The following TRAPPC10 variants were observed in gnomAD, a reference collection of about 807,000 sequenced individuals.
The protein encoded by TRAPPC10 is trafficking protein particle complex subunit 10.
A neutral mutation model predicts 125.5 loss-of-function variants in TRAPPC10; 23 were observed. The observed-to-expected ratio is 0.18, with a 90% confidence interval of 0.13 to 0.26. The LOEUF (loss-of-function observed/expected upper bound fraction) is 0.26, where lower values mean the gene tolerates loss of function less well. Ranked by LOEUF, TRAPPC10 falls within the 10% of genes least tolerant of loss-of-function variation. The pLI, the probability that TRAPPC10 is intolerant of heterozygous loss-of-function variation, is 1.00. For synonymous variants in TRAPPC10, 509 were observed against 518.0 expected (o/e 0.98, Z 0.24); for missense variants, 1,123 against 1,308.4 (o/e 0.86, Z 2.19).
In TRAPPC10 at chr21:44,077,776, GT is replaced by G; in HGVS notation, c.1465del (p.Tyr489ThrfsTer2). ...AKFVGKDLAEFYMRKKAPQKA... is the reference protein window; with the variant it reads ...AKFVGKDLAEXYMRKKAPQKA... ...AGTTTGTTGGAAAAGATCTGGCAGA[GT>G]TTTACATGTAATTGATTTTGTACTT... On this transcript the variant is annotated frameshift_variant, in exon 11 of 23. Transcript: ENST00000291574. LOFTEE classifies it high-confidence loss of function. 6.2e-7 allele frequency: 1 copy of G among 1,607,516 alleles called. No individual in the cohort carries two copies.
chr21:44,048,889 A>T (rs2035047446), intron 3 of TRAPPC10, among the ~76,000 whole-genome samples: 1 of 145,112 alleles, frequency 6.9e-6, no homozygotes, highest in Non-Finnish European at 1.5e-5. Context: ...TCACTCATTG[A>T]TTTCTAGCTT....
chr21:44,084,427 T>C (rs1793827509), intron 15 of TRAPPC10, among the ~76,000 whole-genome samples, 164 bp downstream of exon 15: 1 of 152,236 alleles, frequency 6.6e-6, no homozygotes. Flanking sequence ...ACTGCCTCTT[T>C]TGTTTATCTG....
rs148993290 is a variant in TRAPPC10 at position 44,089,236 on chromosome 21, A to G, written c.2770-597A>G. On this transcript the variant is annotated intron_variant, in intron 17 of 22. Transcript: ENST00000291574. The stretch of plus-strand genomic sequence containing the variant: ...TCCTCTCTTCCCTGGCACTGGCGGC[A>G]CGCACGCTGTGTGCTGGGGTATTCA... The G allele has an allele frequency of 2.0e-3, 651 of 328,470 alleles. 11 individuals are homozygous for G. The highest frequency in any genetic ancestry group is 0.018 in the Admixed American group (407 of 22,850). 20.3% of individuals were successfully genotyped at this position (328,470 alleles called of 1,614,324 possible). A position where few individuals can be genotyped will look rare whatever the true frequency, so the allele number is the denominator to read the frequency against.
At chr21:44,075,550 A>G (rs746774545) in intron 9 of TRAPPC10, among the ~76,000 whole-genome samples, 12 of 151,952 alleles carry the variant, frequency 7.9e-5, no homozygotes, top group Non-Finnish European at 1.0e-4. Flanking sequence ...TAGTGGCACA[A>G]TCTTGGCTCA....
At chr21:44,017,779 A>G (rs2032037634) in intron 1 of TRAPPC10, among the ~76,000 whole-genome samples, 1 of 147,084 alleles carries the variant, frequency 6.8e-6, no homozygotes, top group South Asian at 2.2e-4. Context: ...CTTGCTTTTT[A>G]TCAGAGCAGC....
At chr21:44,076,716 C>T in intron 10 of TRAPPC10, 88 bp downstream of exon 10, 4 of 1,190,694 alleles carry the variant, frequency 3.4e-6, no homozygotes, top group East Asian at 2.4e-5. Context: ...TGGGAAGGAA[C>T]TGGTGTGGGG....
rs142908416 is a variant in TRAPPC10 at position 44,073,027 on chromosome 21, T to C, written c.1039-1297T>C. Among the ~76,000 whole-genome samples the C allele has an allele frequency of 7.0e-3, 1,072 of 152,350 alleles. 6 individuals carry two copies. Among genetic ancestry groups the C allele is most frequent in the Non-Finnish European group, 0.011 (755 of 68,020 alleles). The stretch of plus-strand genomic sequence containing the variant: ...AGAGCTGCTTCCTGCTGCCCCGCTT[T>C]TCTGTGCCTTCCCTCAGTGTGGTAT... On this transcript the variant is annotated intron_variant, in intron 7 of 22. Coordinates refer to ENST00000291574, the MANE Select transcript of TRAPPC10 (RefSeq NM_003274.5).
At chr21:44,061,602 T>C (rs555366639) in intron 6 of TRAPPC10, among the ~76,000 whole-genome samples, 2 of 152,182 alleles carry the variant, frequency 1.3e-5, no homozygotes, top group Non-Finnish European at 2.9e-5. Flanking sequence ...TTTTAAAAAA[T>C]AGATTTATTT....
chr21:44,047,622 G>A (rs1464174739), intron 3 of TRAPPC10, among the ~76,000 whole-genome samples: 1 of 150,696 alleles, frequency 6.6e-6, no homozygotes, highest in African/African-American at 2.5e-5. Context: ...GATATTTTTT[G>A]TAGTCCTTTT....
intron 17 of TRAPPC10, chr21:44,088,253 A>G (rs972126365): frequency 5.4e-5 from 19 of 355,002 alleles, no homozygotes; most frequent in Non-Finnish European, 9.6e-5. Context: ...ACGAGGCCAG[A>G]GGAGGTCTGT....
intron 14 of TRAPPC10, 127 bp downstream of exon 14, chr21:44,083,429 C>A: frequency 1.9e-6 from 2 of 1,064,294 alleles, no homozygotes; most frequent in Non-Finnish European, 1.3e-6. Flanking sequence ...GTTTTTGTCT[C>A]TGTCCTTATA....
At position 44,083,064 on chromosome 21, in the gene TRAPPC10, C is replaced by A; in HGVS notation, c.2000C>A (p.Ser667Tyr). Reference protein sequence around the residue: ...FPPETAPFPVSQNSLPALELY... With the variant: ...FPPETAPFPVYQNSLPALELY... Reference sequence around the variant, plus strand: ...CCCGAGACCGCACCTTTCCCTGTATCCCAAAACAGTTTGCCCGCGCTGGAG... The same window carrying A: ...CCCGAGACCGCACCTTTCCCTGTATACCAAAACAGTTTGCCCGCGCTGGAG... The change falls in exon 14 of 23, where the codon TCC (serine) becomes TAC (tyrosine). Residue 667 changes from serine to tyrosine, a missense_variant. Physicochemically the swap from Ser to Tyr is moderately radical, Grantham distance 144 (BLOSUM62 -2). This residue lies in a region of TRAPPC10 where 840 missense variants were observed against 902.0 expected (regional missense o/e 0.93). Coordinates refer to ENST00000291574, the MANE Select transcript of TRAPPC10 (RefSeq NM_003274.5). 1.2e-6 allele frequency: 2 copies of A among 1,614,102 alleles called. No individual in the cohort carries two copies. The highest frequency in any genetic ancestry group is 8.5e-7 in the Non-Finnish European group (1 of 1,180,018).
At chr21:44,028,934 C>T (rs1380270068) in intron 1 of TRAPPC10, among the ~76,000 whole-genome samples, 2 of 152,176 alleles carry the variant, frequency 1.3e-5, no homozygotes, top group South Asian at 2.1e-4. Context: ...TGCTCTGCCT[C>T]GCAGTTCAGC....
rs967500923 is a variant in TRAPPC10 at position 44,055,675 on chromosome 21, ATAGTCTG to A, written c.483-21_483-15del. 6.4e-7 allele frequency: 1 copy of A among 1,565,518 alleles called. No individual in the cohort carries two copies. Among genetic ancestry groups the A allele is most frequent in the African/African-American group, 1.3e-5 (1 of 74,120 alleles). ...GCTGTGCATGGAGGGTCTTTCCCAG[ATAGTCTG>A]TTCATGTCTTTGCAGGTGTGTTGTG... On this transcript the variant is annotated splice_polypyrimidine_tract_variant and intron_variant, in intron 4 of 22. Coordinates refer to ENST00000291574, the MANE Select transcript of TRAPPC10 (RefSeq NM_003274.5).
chr21:44,021,799 C>T (rs2032526739), intron 1 of TRAPPC10, among the ~76,000 whole-genome samples: 1 of 152,122 alleles, frequency 6.6e-6, no homozygotes, highest in African/African-American at 2.4e-5. Context: ...GACACCTCCC[C>T]CTTGAAACGA....
chr21:44,059,701 CAGAG>C lies in TRAPPC10; in HGVS notation c.790+491_790+494del, dbSNP rs986565727. The C allele has an allele frequency of 7.8e-6, 4 of 510,330 alleles. No homozygotes were observed. The highest frequency in any genetic ancestry group is 5.7e-5 in the African/African-American group (3 of 52,744). 31.6% of individuals were successfully genotyped at this position (510,330 alleles called of 1,614,324 possible). On this transcript the variant is annotated intron_variant, in intron 6 of 22. Transcript: ENST00000291574. The surrounding 1 kb of genome is among the most constrained non-coding windows in gnomAD (Gnocchi z 4.4). ...AGAATTAGCACAGTGAAACCATACA[CAGAG>C]AGAAACATTGGTTATTGTCCTCAGT... is the stretch of plus-strand genomic sequence containing the variant.
rs1419180204 is a variant in TRAPPC10 at position 44,012,464 on chromosome 21, G to A, written c.-30G>A. 3 of 1,420,138 alleles carry A rather than the reference G, an allele frequency of 2.1e-6. No homozygotes were observed. The South Asian group carries it at 3.9e-5, about 19-fold the overall frequency. The allele number at this position is 1,420,138 out of a possible 1,614,324, so 88.0% of individuals were successfully genotyped here. On this transcript the variant is annotated 5_prime_UTR_variant, in exon 1 of 23. Transcript: ENST00000291574. Reference sequence around the variant, plus strand: ...GGCCTCGGGGCTGCCCATGGGGCGCGGGGGGCCGGGCCGGTGACGCCGGAC... The same window carrying A: ...GGCCTCGGGGCTGCCCATGGGGCGCAGGGGGCCGGGCCGGTGACGCCGGAC...
intron 4 of TRAPPC10, among the ~76,000 whole-genome samples, chr21:44,055,301 C>T (rs779529882): frequency 3.3e-5 from 5 of 151,992 alleles, no homozygotes; most frequent in African/African-American, 9.7e-5. Flanking sequence ...TGTTTATAGA[C>T]GGAAGAAGCT....
chr21:44,053,920 A>G (rs2035390139), intron 4 of TRAPPC10, among the ~76,000 whole-genome samples: 1 of 130,158 alleles, frequency 7.7e-6, no homozygotes, highest in Non-Finnish European at 1.5e-5. Context: ...ACTTAAAAAA[A>G]ATTGATGATG....
Sources: gnomAD v4.1 joint callset for allele counts (sites outside exome capture counted in the v4.1 genomes callset) on GRCh38, gnomAD v4.1.1 for gene constraint, gnomAD v4.1.1 regional missense constraint, Gnocchi (gnomAD v3.1) non-coding constraint, MANE v1.5 for transcripts, NCBI Gene and HGNC (gene_info 2026-07-23, HGNC 2026-07-21) for gene names.